Variants in CYP2J2 observed in about 807,000 individuals in gnomAD.
CYP2J2 encodes cytochrome P450 family 2 subfamily J member 2, also known as cytochrome P450 2J2.
In CYP2J2, 41 loss-of-function variants were observed where a neutral mutation model predicts 48.8. That is an observed-to-expected ratio of 0.84 (90% confidence interval 0.66 to 1.09). The LOEUF (loss-of-function observed/expected upper bound fraction) is 1.09, where lower values mean the gene tolerates loss of function less well. Ranked by LOEUF, CYP2J2 falls within the 50% of genes least tolerant of loss-of-function variation. The pLI, the probability that CYP2J2 is intolerant of heterozygous loss-of-function variation, is 0.00. For missense variants in CYP2J2, 644 were observed against 617.3 expected, an observed-to-expected ratio of 1.04 and a Z score of -0.46; for synonymous variants, 221 against 227.1, an observed-to-expected ratio of 0.97 and a Z score of 0.24.
chr1:59,908,601 C>T (rs999801311), intron 5 of CYP2J2, among the ~76,000 whole-genome samples: 5 of 152,146 alleles, frequency 3.3e-5, no homozygotes, highest in African/African-American at 1.2e-4. Context: ...TGATCCCTTC[C>T]TTACCTGCAC....
the CYP2J2 span, among the ~76,000 whole-genome samples, chr1:59,946,412 G>GTGTA: frequency 4.6e-5 from 7 of 152,242 alleles, no homozygotes; most frequent in African/African-American, 1.7e-4. Flanking sequence ...GTGTAAAACT[G>GTGTA]CAACTCCTTT....
intron 8 of CYP2J2, among the ~76,000 whole-genome samples, chr1:59,896,035 G>A (rs1475947724): frequency 1.3e-5 from 2 of 152,068 alleles, no homozygotes; most frequent in Non-Finnish European, 2.9e-5. Flanking sequence ...GCCCAATCAA[G>A]CTGATATTTC....
the CYP2J2 span, among the ~76,000 whole-genome samples, chr1:59,952,622 C>A: frequency 6.6e-6 from 1 of 152,148 alleles, no homozygotes; most frequent in African/African-American, 2.4e-5. Context: ...ACAAGGACAA[C>A]TCCAGAATAA....
intron 1 of CYP2J2, among the ~76,000 whole-genome samples, chr1:59,921,952 C>T (rs1226414648): frequency 6.6e-6 from 1 of 152,148 alleles, no homozygotes; most frequent in Non-Finnish European, 1.5e-5. Context: ...GACCATCTCA[C>T]CTCATAATCA....
chr1:59,950,638 T>G, the CYP2J2 span, among the ~76,000 whole-genome samples: 2 of 152,310 alleles, frequency 1.3e-5, no homozygotes, highest in Admixed American at 1.3e-4. Flanking sequence ...CATAGTGGCT[T>G]GACCAAAAGC....
the CYP2J2 span, among the ~76,000 whole-genome samples, chr1:59,941,627 C>T: frequency 6.6e-6 from 1 of 152,060 alleles, no homozygotes. Flanking sequence ...ATTGTTATTG[C>T]CCTGAAGATC....
chr1:59,906,094 G>A (rs1434919199), intron 6 of CYP2J2, among the ~76,000 whole-genome samples: 3 of 152,298 alleles, frequency 2.0e-5, no homozygotes, highest in African/African-American at 4.8e-5. Flanking sequence ...GCTGAGGCAG[G>A]AGAATGGCAT....
At chr1:59,949,916 GGAAT>G in the CYP2J2 span, among the ~76,000 whole-genome samples, 1 of 151,892 alleles carries the variant, frequency 6.6e-6, no homozygotes, top group Non-Finnish European at 1.5e-5. Context: ...AAGAAGGAGG[GGAAT>G]ATTCTGTTGG....
chr1:59,955,066 A>G, the CYP2J2 span, among the ~76,000 whole-genome samples: 1 of 151,902 alleles, frequency 6.6e-6, no homozygotes, highest in Non-Finnish European at 1.5e-5. Flanking sequence ...TGAGCCTGGG[A>G]GGCGGATGTT....
the CYP2J2 span, among the ~76,000 whole-genome samples, chr1:59,937,193 T>G: frequency 6.6e-6 from 1 of 152,232 alleles, no homozygotes; most frequent in African/African-American, 2.4e-5. Flanking sequence ...AATGCATATC[T>G]GGTTCAACAG....
intron 2 of CYP2J2, among the ~76,000 whole-genome samples, chr1:59,913,829 C>T (rs1430846685): frequency 6.6e-6 from 1 of 152,178 alleles, no homozygotes; most frequent in Non-Finnish European, 1.5e-5. Context: ...AAATATAATT[C>T]CCTTCTCTAC....
chr1:59,952,955 C>T, the CYP2J2 span, among the ~76,000 whole-genome samples: 1 of 152,228 alleles, frequency 6.6e-6, no homozygotes, highest in Admixed American at 6.5e-5. Context: ...GTAAGTAAGG[C>T]ATGGAAAGGA....
chr1:59,922,984 T>G (rs1644531204), intron 1 of CYP2J2, among the ~76,000 whole-genome samples: 1 of 152,208 alleles, frequency 6.6e-6, no homozygotes, highest in African/African-American at 2.4e-5. Flanking sequence ...GAATTGCGAC[T>G]TCTATTCCTA....
the CYP2J2 span, among the ~76,000 whole-genome samples, chr1:59,963,755 C>T: frequency 2.0e-5 from 3 of 152,264 alleles, no homozygotes; most frequent in African/African-American, 2.4e-5. Flanking sequence ...CTGGATATGT[C>T]TATGAATAGC....
chr1:59,912,235 T>G lies in CYP2J2; in HGVS notation c.450A>C (p.Leu150Phe), dbSNP rs1243555175. 1 of 1,613,838 alleles carries G rather than the reference T, an allele frequency of 6.2e-7. No individual in the cohort carries two copies. The highest frequency in any genetic ancestry group is 1.3e-5 in the African/African-American group (1 of 74,914). ...TGCGTTCCTCTAAGCTCTTCTTTCC[T>G]AAACCAAAGTTCCTTAGTGCTGTCA... The part of the protein sequence containing the change: ...FTLTALRNFG[L>F]GKKSLEERIQ... The change falls in exon 3 of 9, where the codon TTA becomes TTC. Residue 150 changes from leucine to phenylalanine, a missense_variant. Transcript: ENST00000371204.
intron 8 of CYP2J2, among the ~76,000 whole-genome samples, chr1:59,898,318 C>G (rs1374939633): frequency 1.3e-5 from 2 of 152,102 alleles, no homozygotes; most frequent in Non-Finnish European, 2.9e-5. Context: ...CCTCTTTTGA[C>G]CTTATCACCA....
At chr1:59,916,770 G>A (rs1375816060) in intron 1 of CYP2J2, among the ~76,000 whole-genome samples, 1 of 151,978 alleles carries the variant, frequency 6.6e-6, no homozygotes, top group Admixed American at 6.5e-5. Flanking sequence ...CTAACCCCAA[G>A]CATCCTAGAG....
intron 8 of CYP2J2, 33 bp downstream of exon 8, chr1:59,900,932 T>G: frequency 6.2e-7 from 1 of 1,601,914 alleles, no homozygotes; most frequent in African/African-American, 1.3e-5. Context: ...AGAGGGGCCC[T>G]GGACTCCCAC....
chr1:59,959,000 A>G, the CYP2J2 span, among the ~76,000 whole-genome samples: 4 of 152,072 alleles, frequency 2.6e-5, no homozygotes, highest in Non-Finnish European at 4.4e-5. Context: ...TATGACCTGT[A>G]ATTTTATATA....
Sources: gnomAD v4.1 joint callset for allele counts (sites outside exome capture counted in the v4.1 genomes callset) on GRCh38, gnomAD v4.1.1 for gene constraint, MANE v1.5 for transcripts, NCBI Gene and HGNC (gene_info 2026-07-23, HGNC 2026-07-21) for gene names.